Variants in MRPL28 observed in about 807,000 individuals in gnomAD.
MRPL28 encodes the protein mitochondrial ribosomal protein L28, also known as large ribosomal subunit protein bL28m.
In MRPL28, 25 loss-of-function variants were observed where a neutral mutation model predicts 26.2. The ratio of observed to expected loss-of-function variants is 0.95; its 90% CI spans 0.69 to 1.33. The LOEUF (loss-of-function observed/expected upper bound fraction) is 1.33. Among genes scored for constraint, MRPL28 ranks in the 40% most tolerant of loss-of-function variants. The pLI, the probability that MRPL28 is intolerant of heterozygous loss-of-function variation, is 0.00. For synonymous variants in MRPL28, 227 were observed against 140.1 expected (o/e 1.62, Z -4.38); for missense variants, 432 against 327.2 (o/e 1.32, Z -2.47).
chr16:367,705 C>A lies in MRPL28; in HGVS notation c.741G>T (p.Ala247=). ...QLQQQALSEP[A]VVQKRASGQ is the part of the protein sequence containing the mutation. The stretch of plus-strand genomic sequence containing the variant: ...GGCCACTGGCTCTCTTCTGCACCAC[C>A]GCCGGCTCTGACAGTGCCTGCTGCT... The change falls in exon 6 of 6, where the codon GCG becomes GCT. Residue 247 remains alanine, a synonymous_variant. Transcript: ENST00000199706. 6.2e-7 allele frequency: 1 copy of A among 1,613,844 alleles called. No individual in the cohort carries two copies. The highest frequency in any genetic ancestry group is 8.5e-7 in the Non-Finnish European group (1 of 1,180,000).
rs981929722 is a variant in MRPL28, at chr16:367,266, C to G, written c.*409G>C. 1 of 574,352 alleles carries G rather than the reference C, an allele frequency of 1.7e-6. No homozygotes were observed. The highest frequency in any genetic ancestry group is 1.9e-5 in the African/African-American group (1 of 53,424). 35.6% of individuals were successfully genotyped at this position (574,352 alleles called of 1,614,324 possible). On this transcript the variant is annotated 3_prime_UTR_variant, in exon 6 of 6. Coordinates refer to ENST00000199706, the MANE Select transcript of MRPL28 (RefSeq NM_006428.5). ...TTGAACCTCGCTCTCTGCAGCTCAC[C>G]GGGGGACGGGCACAGCCAGAGTCAA...
rs114486517 is a variant in MRPL28 at position 367,691 on chromosome 16, C to G, written c.755G>C (p.Arg252Thr). The change falls in exon 6 of 6, where the codon AGA becomes ACA. Residue 252 changes from arginine (R) to threonine (T), a missense_variant. Physicochemically the swap from Arg to Thr is moderately conservative, Grantham distance 71. Transcript: ENST00000199706. ...GCTGTGTGGTCACTGGCCACTGGCT[C>G]TCTTCTGCACCACCGCCGGCTCTGA... ...ALSEPAVVQK[R>T]ASGQ is the part of the protein sequence containing the mutation. 23,149 of 1,613,638 alleles carry G rather than the reference C, an allele frequency of 0.014. 1,455 individuals carry two copies. The African/African-American group carries it at 0.18, about 13-fold the overall frequency.
chr16:368,192 A>ATTGCAT, intron 5 of MRPL28, 136 bp downstream of exon 5: 1 of 1,037,152 alleles, frequency 9.6e-7, no homozygotes, highest in Non-Finnish European at 1.5e-6. Flanking sequence ...TGGGTGGGCA[A>ATTGCAT]TGCAGAGCAG....
At chr16:369,427 T>G in intron 2 of MRPL28, 1 of 643,832 alleles carries the variant, frequency 1.6e-6, no homozygotes, top group South Asian at 1.9e-5. Context: ...AGAAGTCAGC[T>G]GCTCCCCAAC....
chr16:367,339 C>G lies in MRPL28; in HGVS notation c.*336G>C, dbSNP rs762405232. 4.7e-6 allele frequency: 3 copies of G among 632,448 alleles called. No homozygotes were observed. The highest frequency in any genetic ancestry group is 2.5e-5 in the Admixed American group (1 of 39,536). 39.2% of individuals were successfully genotyped at this position (632,448 alleles called of 1,614,324 possible). ...TCAGGGGCAGCAAGGGCAGGGGTGA[C>G]AGGATCAGGATCCCCAAAGAGAACA... On this transcript the variant is annotated 3_prime_UTR_variant, in exon 6 of 6. Coordinates refer to ENST00000199706, the MANE Select transcript of MRPL28 (RefSeq NM_006428.5).
rs766700564 is a variant in MRPL28 at position 370,083 on chromosome 16, G to C, written c.136C>G (p.His46Asp). 6.2e-7 allele frequency: 1 copy of C among 1,612,174 alleles called. No individual in the cohort carries two copies. Among genetic ancestry groups the C allele is most frequent in the South Asian group, 1.1e-5 (1 of 90,966 alleles). Residue 46 changes from histidine to aspartate, a missense_variant, in exon 2 of 6, where the codon CAT becomes GAT. Transcript: ENST00000199706. ...GGGTTGATCTTGAACTTGGCCCCAT[G>C]AGGCCTATAGTGCACGGGAGTGGGC... ...RTPTPVHYRP[H>D]GAKFKINPKN...
At chr16:369,356 A>T in intron 2 of MRPL28, 136 bp from the exon 3 acceptor site, 1 of 1,186,376 alleles carries the variant, frequency 8.4e-7, no homozygotes, top group Admixed American at 2.3e-5. Flanking sequence ...ACCTAGAGCT[A>T]ACTGGGCCGG....
At chr16:370,286 C>A (rs1470349709) in intron 1 of MRPL28, 61 bp from the exon 2 acceptor site, 1 of 1,214,736 alleles carries the variant, frequency 8.2e-7, no homozygotes, top group Non-Finnish European at 1.0e-6. Flanking sequence ...GCACTCACCC[C>A]CTACCCCGGC....
At chr16:368,876 C>T (rs1567318892) in intron 3 of MRPL28, 192 bp downstream of exon 3, 3 of 984,506 alleles carry the variant, frequency 3.0e-6, no homozygotes, top group Admixed American at 2.9e-5. Flanking sequence ...ACCCACAGAG[C>T]GACAGCCTCT....
Position 370,125 on chromosome 16 carries a change from G to A in MRPL28, c.94C>T (p.Leu32=), listed in dbSNP as rs2054308801. 9.9e-6 allele frequency: 16 copies of A among 1,608,170 alleles called. No homozygotes were observed. In the Middle Eastern group the frequency reaches 5.0e-4, roughly 50 times the overall value. Residue 32 remains leucine, a synonymous_variant, in exon 2 of 6, where the codon CTG becomes TTG. Coordinates refer to ENST00000199706, the MANE Select transcript of MRPL28 (RefSeq NM_006428.5). ...SRLPGHYLRS[L]EEERTPTPVH... ...GGAGTGGGCGTCCGCTCCTCCTCCA[G>A]GGAGCGCAGGTAGTGGCCGGGCAGG...
chr16:367,782 C>T lies in MRPL28; in HGVS notation c.664G>A (p.Asp222Asn), dbSNP rs2054273646. 6.2e-7 allele frequency: 1 copy of T among 1,613,272 alleles called. No homozygotes were observed. Reference protein sequence around the residue: ...IEKQRLLEEKDPVPLFKIYVA... With the variant: ...IEKQRLLEEKNPVPLFKIYVA... The stretch of plus-strand genomic sequence containing the variant: ...TAGATCTTGAACAGGGGTACAGGGT[C>T]CTGAAGGAGAGAGGGGCTCATGGTG... Residue 222 changes from aspartate to asparagine, a missense_variant and splice_region_variant, in exon 6 of 6, where the codon GAC becomes AAC. Physicochemically the swap from Asp to Asn is conservative, Grantham distance 23. Coordinates refer to ENST00000199706, the MANE Select transcript of MRPL28 (RefSeq NM_006428.5).
Position 367,739 on chromosome 16 carries a change from TG to T in MRPL28, c.706del (p.Gln236SerfsTer51). The T allele has an allele frequency of 6.2e-7, 1 of 1,613,888 alleles. No homozygotes were observed. The highest frequency in any genetic ancestry group is 8.5e-7 in the Non-Finnish European group (1 of 1,180,020). ...TGACAGTGCCTGCTGCTGCAGCTGCTGGATCAGCTCCGCCACATAGATCTTG... is the reference window on the plus strand; with the variant it reads ...TGACAGTGCCTGCTGCTGCAGCTGCTGATCAGCTCCGCCACATAGATCTTG... ...LFKIYVAELI[Q>X]QLQQQALSEP... On this transcript the variant is annotated frameshift_variant, in exon 6 of 6. Coordinates refer to ENST00000199706, the MANE Select transcript of MRPL28 (RefSeq NM_006428.5). LOFTEE classifies it high-confidence loss of function.
chr16:367,156 G>C lies in MRPL28; in HGVS notation c.*519C>G. ...GGAGGTGGAGGTTGTAGTGAGTCCA[G>C]ATCGTGCCACTGCACTCCAGCCTGG... is the stretch of plus-strand genomic sequence containing the variant. On this transcript the variant is annotated 3_prime_UTR_variant, in exon 6 of 6. Transcript: ENST00000199706. Among the ~76,000 whole-genome samples, 1 of 152,200 alleles carries C rather than the reference G, an allele frequency of 6.6e-6. No homozygotes were observed. The highest frequency in any genetic ancestry group is 1.9e-4 in the East Asian group (1 of 5,192).
At chr16:369,554 A>G (rs1216338364) in intron 2 of MRPL28, 1 of 706,788 alleles carries the variant, frequency 1.4e-6, no homozygotes, top group Non-Finnish European at 2.6e-6. Flanking sequence ...GTCTCCCCAC[A>G]GGCTTCAGCA....
chr16:367,218 A>C lies in MRPL28; in HGVS notation c.*457T>G, dbSNP rs1597148414. On this transcript the variant is annotated 3_prime_UTR_variant, in exon 6 of 6. Coordinates refer to ENST00000199706, the MANE Select transcript of MRPL28 (RefSeq NM_006428.5). ...AGACTCCGTCTCAAAAAAAGAAAAG[A>C]AAAAAAAACACAAAACACAGAATTG... 6.6e-6 allele frequency among the ~76,000 whole-genome samples: 1 copy of C among 151,464 alleles called. No homozygotes were observed. Among genetic ancestry groups the C allele is most frequent in the Admixed American group, 6.6e-5 (1 of 15,222 alleles).
chr16:369,167 G>C lies in MRPL28; in HGVS notation c.342C>G (p.Phe114Leu), dbSNP rs1315538140. Residue 114 changes from phenylalanine (F) to leucine (L), a missense_variant, in exon 3 of 6, where the codon TTC (phenylalanine) becomes TTG (leucine). By Grantham distance (22) the Phe-to-Leu change is conservative. Coordinates refer to ENST00000199706, the MANE Select transcript of MRPL28 (RefSeq NM_006428.5). ...ACTTCTTGTCCAGGATCTCACTGTA[G>C]AACTCTCGCTCAAACAGCTGTGGCT... Reference protein sequence around the residue: ...VWKPQLFEREFYSEILDKKFT... With the variant: ...VWKPQLFERELYSEILDKKFT... The C allele has an allele frequency of 3.7e-6, 6 of 1,614,048 alleles. No homozygotes were observed. Among genetic ancestry groups the C allele is most frequent in the Admixed American group, 3.3e-5 (2 of 60,014 alleles).
intron 2 of MRPL28, 133 bp downstream of exon 2, chr16:369,798 G>C (rs1473539253): frequency 5.2e-6 from 6 of 1,158,672 alleles, no homozygotes; most frequent in Non-Finnish European, 6.1e-6. Context: ...GTGCTCCTTT[G>C]CCGGAGATGT....
intron 2 of MRPL28, 133 bp downstream of exon 2, chr16:369,798 G>T (rs1473539253): frequency 2.6e-6 from 3 of 1,158,550 alleles, no homozygotes; most frequent in African/African-American, 1.5e-5. Context: ...GTGCTCCTTT[G>T]CCGGAGATGT....
At chr16:369,274 G>C in intron 2 of MRPL28, 54 bp from the exon 3 acceptor site, 2 of 1,437,898 alleles carry the variant, frequency 1.4e-6, no homozygotes, top group South Asian at 1.2e-5. Flanking sequence ...TACATACCAA[G>C]GGGGGCCCAG....
Sources: gnomAD v4.1 joint callset for allele counts (sites outside exome capture counted in the v4.1 genomes callset) on GRCh38, gnomAD v4.1.1 for gene constraint, MANE v1.5 for transcripts, NCBI Gene and HGNC (gene_info 2026-07-23, HGNC 2026-07-21) for gene names.